PDE4B: variants seen among roughly 807,000 people sequenced by gnomAD.
PDE4B encodes the protein phosphodiesterase 4B, also known as 3',5'-cyclic-AMP phosphodiesterase 4B.
PDE4B carries 20 observed loss-of-function variants against 82.2 expected under a neutral mutation model. The ratio of observed to expected loss-of-function variants is 0.24; its 90% CI spans 0.17 to 0.35. The LOEUF is 0.35. PDE4B is among the 10% of genes least tolerant of loss of function. PDE4B has a pLI of 1.00. For synonymous variants in PDE4B, 320 were observed against 318.9 expected, an observed-to-expected ratio of 1.00 and a Z score of -0.04; for missense variants, 655 against 907.2, an observed-to-expected ratio of 0.72 and a Z score of 3.57.
chr1:65,994,901 G>T (rs1651449250), intron 3 of PDE4B, among the ~76,000 whole-genome samples: 1 of 151,910 alleles, frequency 6.6e-6, no homozygotes, highest in Non-Finnish European at 1.5e-5. Context: ...AAATACTGGA[G>T]TTTTTTACTT....
chr1:66,199,311 T>A (rs1214440751), intron 3 of PDE4B, among the ~76,000 whole-genome samples: 1 of 151,990 alleles, frequency 6.6e-6, no homozygotes, highest in Non-Finnish European at 1.5e-5. Context: ...TTCTAACTGG[T>A]GTGAGATGGT....
chr1:66,069,966 T>G (rs1656067166), intron 3 of PDE4B, among the ~76,000 whole-genome samples: 2 of 152,182 alleles, frequency 1.3e-5, no homozygotes, highest in African/African-American at 2.4e-5. Flanking sequence ...TATATTTACA[T>G]GTATGTGCAA....
At chr1:66,084,937 C>G (rs894612701) in intron 3 of PDE4B, among the ~76,000 whole-genome samples, 1 of 152,102 alleles carries the variant, frequency 6.6e-6, no homozygotes, top group African/African-American at 2.4e-5. Flanking sequence ...CAGTCACATG[C>G]ATAGAGTTAG....
At chr1:65,811,551 T>C (rs1645821023) in intron 1 of PDE4B, among the ~76,000 whole-genome samples, 2 of 152,242 alleles carry the variant, frequency 1.3e-5, no homozygotes, top group Admixed American at 6.5e-5. Context: ...ATCACAGGTT[T>C]ACATCTCATT....
At chr1:66,027,944 G>A (rs899707420) in intron 3 of PDE4B, among the ~76,000 whole-genome samples, 3 of 152,154 alleles carry the variant, frequency 2.0e-5, no homozygotes, top group Non-Finnish European at 4.4e-5. Context: ...CCAGGCACAT[G>A]GTGCAAGCTA....
chr1:66,174,199 A>T (rs937128426), intron 3 of PDE4B, among the ~76,000 whole-genome samples: 1 of 152,226 alleles, frequency 6.6e-6, no homozygotes, highest in African/African-American at 2.4e-5. Flanking sequence ...CACCACGTCA[A>T]TTAATTATAG....
At position 66,178,225 on chromosome 1, in the gene PDE4B, A is replaced by G. The variant is rs189311715; in HGVS notation, c.282-69235A>G. Among the ~76,000 whole-genome samples, 3 of 152,240 alleles carry G rather than the reference A, an allele frequency of 2.0e-5. No individual in the cohort carries two copies. In the East Asian group the frequency reaches 5.8e-4, roughly 29 times the overall value. On this transcript the variant is annotated intron_variant, in intron 3 of 16. Transcript: ENST00000341517. ...ATATTGTTTTTAAAAACTACTTTAAATATCTACTCTATGCCAATTTAGGGT... is the reference window on the plus strand; with the variant it reads ...ATATTGTTTTTAAAAACTACTTTAAGTATCTACTCTATGCCAATTTAGGGT...
chr1:66,157,139 T>G (rs750262323), intron 3 of PDE4B, among the ~76,000 whole-genome samples: 26 of 152,200 alleles, frequency 1.7e-4, no homozygotes, highest in Non-Finnish European at 3.7e-4. Context: ...CAAGTGGTGC[T>G]AAATTCATGC....
chr1:65,983,265 C>A (rs1451151433), intron 3 of PDE4B, among the ~76,000 whole-genome samples: 1 of 152,052 alleles, frequency 6.6e-6, no homozygotes, highest in Non-Finnish European at 1.5e-5. Flanking sequence ...CACCCATAAT[C>A]GATTTGGATG....
In PDE4B at chr1:66,044,278, A is replaced by T. The variant is rs1275227910; in HGVS notation, c.281+125443A>T. Among the ~76,000 whole-genome samples, 3 of 151,836 alleles carry T rather than the reference A, an allele frequency of 2.0e-5. No individual in the cohort carries two copies. The East Asian group carries it at 5.8e-4, about 29-fold the overall frequency. On this transcript the variant is annotated intron_variant, in intron 3 of 16. Transcript: ENST00000341517. ...TTCTTTTAGGTATATGAATTTACAAATGCCAAGAGTGGGTTGAACCATTCT... is the reference window on the plus strand; with the variant it reads ...TTCTTTTAGGTATATGAATTTACAATTGCCAAGAGTGGGTTGAACCATTCT...
chr1:66,175,174 T>C (rs1424132579), intron 3 of PDE4B, among the ~76,000 whole-genome samples: 2 of 152,214 alleles, frequency 1.3e-5, no homozygotes, highest in African/African-American at 4.8e-5. Flanking sequence ...TATTAGAAGC[T>C]AAATTATAGA....
chr1:65,809,332 CAAAAAAAAAAA>C (rs11366228), intron 1 of PDE4B, among the ~76,000 whole-genome samples: 3 of 72,518 alleles, frequency 4.1e-5, no homozygotes, highest in South Asian at 6.4e-4. Context: ...CTCCATCTCA[CAAAAAAAAAAA>C]AAAAAAAAAA....
At chr1:65,836,709 C>G (rs1255504728) in intron 1 of PDE4B, among the ~76,000 whole-genome samples, 1 of 152,078 alleles carries the variant, frequency 6.6e-6, no homozygotes. Flanking sequence ...CTATATCTCT[C>G]TTTCTCCATC....
intron 1 of PDE4B, among the ~76,000 whole-genome samples, chr1:65,877,225 C>G (rs1646655319): frequency 6.6e-6 from 1 of 152,166 alleles, no homozygotes; most frequent in Non-Finnish European, 1.5e-5. Flanking sequence ...TGGGACAGAA[C>G]AGAGGACTCA....
At chr1:66,241,474 TAGAC>T (rs1035188592) in intron 3 of PDE4B, among the ~76,000 whole-genome samples, 3 of 152,224 alleles carry the variant, frequency 2.0e-5, no homozygotes, top group African/African-American at 7.2e-5. Context: ...ATTAAAATGA[TAGAC>T]AAGCATTTGA....
At chr1:66,008,936 G>A (rs1208658076) in intron 3 of PDE4B, among the ~76,000 whole-genome samples, 1 of 152,070 alleles carries the variant, frequency 6.6e-6, no homozygotes, top group Non-Finnish European at 1.5e-5. Context: ...CCTAGGCCAA[G>A]TATCTCAATC....
At chr1:65,932,883 G>C (rs1647914663) in intron 3 of PDE4B, among the ~76,000 whole-genome samples, 1 of 152,048 alleles carries the variant, frequency 6.6e-6, no homozygotes, top group Non-Finnish European at 1.5e-5. Context: ...ATTGTTGTTA[G>C]AAATTATTCA....
chr1:66,257,599 T>C, intron 4 of PDE4B, 48 bp from the exon 5 acceptor site: 2 of 1,509,516 alleles, frequency 1.3e-6, no homozygotes, highest in Non-Finnish European at 1.8e-6. Flanking sequence ...ATGTCACAGT[T>C]ATAATTCAAG....
At chr1:66,025,330 A>T (rs2100780417) in intron 3 of PDE4B, among the ~76,000 whole-genome samples, 1 of 152,286 alleles carries the variant, frequency 6.6e-6, no homozygotes, top group Non-Finnish European at 1.5e-5. Flanking sequence ...AGTACTATAG[A>T]AGTAAAACAC....
Sources: gnomAD v4.1 joint callset for allele counts (sites outside exome capture counted in the v4.1 genomes callset) on GRCh38, gnomAD v4.1.1 for gene constraint, MANE v1.5 for transcripts, NCBI Gene and HGNC (gene_info 2026-07-23, HGNC 2026-07-21) for gene names.